PXK: variants seen among roughly 807,000 people sequenced by gnomAD.
PXK encodes the protein PX domain-containing protein kinase-like protein.
A neutral mutation model predicts 84.7 loss-of-function variants in PXK; 35 were observed. The ratio of observed to expected loss-of-function variants is 0.41; its 90% CI spans 0.32 to 0.55. PXK has a LOEUF of 0.55. Ranked by LOEUF, PXK falls within the 20% of genes least tolerant of loss-of-function variation. PXK has a pLI of 0.21. For missense variants in PXK, 634 were observed against 699.7 expected (o/e 0.91, Z 1.06); for synonymous variants, 253 against 260.8 (o/e 0.97, Z 0.29).
rs2058420726 is a variant in PXK at position 58,400,667 on chromosome 3, T to G, written c.1181+1290T>G. On this transcript the variant is annotated intron_variant, in intron 12 of 17. Coordinates refer to ENST00000356151, the MANE Select transcript of PXK (RefSeq NM_017771.5). The surrounding 1 kb of genome is among the most constrained non-coding windows in gnomAD (Gnocchi z 4.0). Reference sequence around the variant, plus strand: ...GGCTCATGCCTATAATCCCAGCACTTTGGGAGGCTGAGGCGGGTGGATCAC... The same window carrying G: ...GGCTCATGCCTATAATCCCAGCACTGTGGGAGGCTGAGGCGGGTGGATCAC... 2.0e-5 allele frequency among the ~76,000 whole-genome samples: 3 copies of G among 152,124 alleles called. No homozygotes were observed.
rs2062650762 is a variant in PXK at position 58,425,086 on chromosome 3, A to C, written c.*126A>C. 1.5e-6 allele frequency: 2 copies of C among 1,366,058 alleles called. No individual in the cohort carries two copies. Among genetic ancestry groups the C allele is most frequent in the Non-Finnish European group, 2.0e-6 (2 of 1,015,716 alleles). The allele number at this position is 1,366,058 out of a possible 1,614,324, so 84.6% of individuals were successfully genotyped here. ...ACAGCCACAAACAGTACTATTTTGC[A>C]GATGCTCATGTAAGCAGCTTTTCGA... is the stretch of plus-strand genomic sequence containing the variant. On this transcript the variant is annotated 3_prime_UTR_variant, in exon 18 of 18. Coordinates refer to ENST00000356151, the MANE Select transcript of PXK (RefSeq NM_017771.5).
At position 58,386,357 on chromosome 3, in the gene PXK, G is replaced by A. The variant is rs111932512; in HGVS notation, c.388+3657G>A. 9.6e-3 allele frequency among the ~76,000 whole-genome samples: 1,224 copies of A among 127,420 alleles called. 22 individuals carry two copies. Among genetic ancestry groups the A allele is most frequent in the African/African-American group, 0.032 (1,149 of 35,578 alleles). The allele number at this position is 127,420 out of a possible 152,430, so 83.6% of individuals were successfully genotyped here. A position where few individuals can be genotyped will look rare whatever the true frequency, so the allele number is the denominator to read the frequency against. Reference sequence around the variant, plus strand: ...GTTGGCCAGGCTGGAGTGCTGTAGCGTGGTCTTGGCTCACTGCAACCTCAG... The same window carrying A: ...GTTGGCCAGGCTGGAGTGCTGTAGCATGGTCTTGGCTCACTGCAACCTCAG... On this transcript the variant is annotated intron_variant, in intron 4 of 17. Transcript: ENST00000356151.
chr3:58,395,555 C>T (rs2057521342), intron 8 of PXK, 103 bp from the exon 9 acceptor site: 1 of 835,394 alleles, frequency 1.2e-6, no homozygotes, highest in Non-Finnish European at 1.9e-6. Context: ...CTGGCCATCT[C>T]TGGCGCCCCT....
At chr3:58,393,009 A>C (rs1341857522) in intron 7 of PXK, among the ~76,000 whole-genome samples, 2 of 152,076 alleles carry the variant, frequency 1.3e-5, no homozygotes, top group African/African-American at 4.8e-5. Flanking sequence ...AGCACATAAA[A>C]ATGGTGCATA....
intron 1 of PXK, among the ~76,000 whole-genome samples, chr3:58,336,093 A>G (rs1195838782): frequency 2.2e-5 from 2 of 90,576 alleles, no homozygotes; most frequent in Non-Finnish European, 4.4e-5. Context: ...TTTTTTTAAT[A>G]CCAATGGGGT....
intron 17 of PXK, chr3:58,422,703 G>A (rs2062093985): frequency 1.0e-6 from 1 of 985,272 alleles, no homozygotes; most frequent in African/African-American, 1.7e-5. Flanking sequence ...GTGAGGCCAA[G>A]CAGTTTTGTT....
rs187501584 is a variant in PXK, at chr3:58,370,303, G to A, written c.201+825G>A. ...TAATGGGAAGAAGCATGAGCTGGAA[G>A]GTCTTCATCTAGAAACACAGCCAGT... On this transcript the variant is annotated intron_variant, in intron 3 of 17. Coordinates refer to ENST00000356151, the MANE Select transcript of PXK (RefSeq NM_017771.5). The surrounding 1 kb of genome is among the most constrained non-coding windows in gnomAD (Gnocchi z 4.2). Among the ~76,000 whole-genome samples, 2 of 152,278 alleles carry A rather than the reference G, an allele frequency of 1.3e-5. No homozygotes were observed. Among genetic ancestry groups the A allele is most frequent in the African/African-American group, 4.8e-5 (2 of 41,554 alleles).
chr3:58,422,565 C>T (rs912136049), intron 17 of PXK: 7 of 985,212 alleles, frequency 7.1e-6, no homozygotes, highest in Non-Finnish European at 8.4e-6. Flanking sequence ...AATCCATGTC[C>T]ATTTACTTGG....
In PXK at chr3:58,412,590, G is replaced by A. The variant is rs2060362325; in HGVS notation, c.1466-311G>A. On this transcript the variant is annotated intron_variant, in intron 16 of 17. Coordinates refer to ENST00000356151, the MANE Select transcript of PXK (RefSeq NM_017771.5). This position sits in a 1 kb window ranked among gnomAD's most constrained non-coding sequence, Gnocchi z 6.2. Reference sequence around the variant, plus strand: ...TTGTCATTACCCAGGAGTGGAGGTTGCGTCAGGAAGAGATACTGCAGCCAA... The same window carrying A: ...TTGTCATTACCCAGGAGTGGAGGTTACGTCAGGAAGAGATACTGCAGCCAA... 6.6e-6 allele frequency among the ~76,000 whole-genome samples: 1 copy of A among 152,150 alleles called. No homozygotes were observed. Among genetic ancestry groups the A allele is most frequent in the Non-Finnish European group, 1.5e-5 (1 of 68,024 alleles).
At chr3:58,365,774 G>GTCTA in intron 1 of PXK, 100 bp from the exon 2 acceptor site, 1 of 944,434 alleles carries the variant, frequency 1.1e-6, no homozygotes, top group South Asian at 1.9e-5. Context: ...TTGCTCTGAA[G>GTCTA]TCTACTTTAT....
chr3:58,408,908 T>C lies in PXK; in HGVS notation c.1231-16T>C. On this transcript the variant is annotated splice_polypyrimidine_tract_variant and intron_variant, in intron 13 of 17. Transcript: ENST00000356151. ...CCACCTTTTTCAATAGATGATGTAC[T>C]TTTCTCTCCTTTCAGATCCCTACAA... 1 of 1,539,692 alleles carries C rather than the reference T, an allele frequency of 6.5e-7. No homozygotes were observed.
Position 58,382,695 on chromosome 3 carries a change from A to G in PXK, c.383A>G (p.Tyr128Cys), listed in dbSNP as rs777371880. ...GATCCAAACAACTATTCCGCAAACT[A>G]TACTGGTAAGCGAAGGAATCTGTGA... ...FLDPNNYSAN[Y>C]TEIALQQVSM... The change falls in exon 4 of 18, where the codon TAT becomes TGT. Residue 128 changes from tyrosine (Y) to cysteine (C), a missense_variant. Transcript: ENST00000356151. 2.6e-6 allele frequency: 4 copies of G among 1,555,462 alleles called. No homozygotes were observed. The highest frequency in any genetic ancestry group is 2.4e-5 in the South Asian group (2 of 81,684).
intron 1 of PXK, among the ~76,000 whole-genome samples, chr3:58,337,061 C>T (rs541811430): frequency 1.3e-5 from 2 of 152,236 alleles, no homozygotes; most frequent in South Asian, 2.1e-4. Flanking sequence ...CCACCTGCCT[C>T]GGGCTCCTAA....
At chr3:58,347,974 T>A (rs2097852427) in intron 1 of PXK, among the ~76,000 whole-genome samples, 1 of 152,136 alleles carries the variant, frequency 6.6e-6, no homozygotes. Flanking sequence ...AGTGCAGTGG[T>A]GTGAAGTTGG....
At position 58,333,514 on chromosome 3, in the gene PXK, G is replaced by A. The variant is rs1385696489; in HGVS notation, c.102+424G>A. The stretch of plus-strand genomic sequence containing the variant: ...GTGTAATTTCCTCCTTGCAGCTGAG[G>A]GTCTGGGTGATGGGGATGAGGGTGT... On this transcript the variant is annotated intron_variant, in intron 1 of 17. Coordinates refer to ENST00000356151, the MANE Select transcript of PXK (RefSeq NM_017771.5). This position sits in a 1 kb window ranked among gnomAD's most constrained non-coding sequence, Gnocchi z 5.4. The A allele has an allele frequency of 2.2e-6, 1 of 456,630 alleles. No individual in the cohort carries two copies. Among genetic ancestry groups the A allele is most frequent in the Admixed American group, 2.3e-5 (1 of 42,566 alleles). The allele number at this position is 456,630 out of a possible 1,614,324, so 28.3% of individuals were successfully genotyped here. A position where few individuals can be genotyped will look rare whatever the true frequency, so the allele number is the denominator to read the frequency against.
intron 1 of PXK, among the ~76,000 whole-genome samples, chr3:58,352,575 G>A (rs1449899695): frequency 6.6e-6 from 1 of 152,006 alleles, no homozygotes; most frequent in Non-Finnish European, 1.5e-5. Flanking sequence ...TTAAAGTTTG[G>A]TATTTTTTTT....
At chr3:58,422,137 C>T (rs1233593704) in intron 17 of PXK, 2 of 985,348 alleles carry the variant, frequency 2.0e-6, no homozygotes, top group Non-Finnish European at 1.2e-6. Flanking sequence ...ACGGACCTTT[C>T]AGGAAGCTTG....
Position 58,385,474 on chromosome 3 carries a change from G to A in PXK, c.388+2774G>A, listed in dbSNP as rs981287581. On this transcript the variant is annotated intron_variant, in intron 4 of 17. Transcript: ENST00000356151. The surrounding 1 kb of genome is among the most constrained non-coding windows in gnomAD (Gnocchi z 5.1). ...ACATACCCTGCACGCCTCTCACCTT[G>A]TGGCACTTCTCTAAGCAGGGCCGCT... Among the ~76,000 whole-genome samples the A allele has an allele frequency of 2.0e-5, 3 of 152,160 alleles. No homozygotes were observed. Among genetic ancestry groups the A allele is most frequent in the Non-Finnish European group, 1.5e-5 (1 of 68,032 alleles).
rs1168599664 is a variant in PXK at position 58,333,572 on chromosome 3, A to C, written c.102+482A>C. 1 of 456,664 alleles carries C rather than the reference A, an allele frequency of 2.2e-6. No homozygotes were observed. The highest frequency in any genetic ancestry group is 2.0e-5 in the African/African-American group (1 of 50,190). 28.3% of individuals were successfully genotyped at this position (456,664 alleles called of 1,614,324 possible). The stretch of plus-strand genomic sequence containing the variant: ...CAAATGAAGTGTGACTCCAGAGCCT[A>C]CTTGTTGGGACAGCAGAGTGTAAGT... On this transcript the variant is annotated intron_variant, in intron 1 of 17. Transcript: ENST00000356151. This position sits in a 1 kb window ranked among gnomAD's most constrained non-coding sequence, Gnocchi z 5.4.
Sources: allele counts gnomAD v4.1 joint callset (sites outside exome capture counted in the v4.1 genomes callset), GRCh38; gene constraint gnomAD v4.1.1; non-coding constraint Gnocchi (gnomAD v3.1); transcripts MANE v1.5; gene names NCBI Gene and HGNC (gene_info 2026-07-23, HGNC 2026-07-21).